Variants in SPAG16 observed in about 807,000 individuals in gnomAD.
The protein encoded by SPAG16 is sperm associated antigen 16, also known as sperm-associated antigen 16 protein.
Under a neutral mutation model 80.4 loss-of-function variants are expected in SPAG16, and 86 were observed. The observed-to-expected ratio is 1.07, with a 90% CI of 0.90 to 1.28. The LOEUF (loss-of-function observed/expected upper bound fraction) is 1.28, where lower values mean the gene tolerates loss of function less well. Among genes scored for constraint, SPAG16 ranks in the 50% most tolerant of loss-of-function variants. The pLI, the probability that SPAG16 is intolerant of heterozygous loss-of-function variation, is 0.00. For synonymous variants in SPAG16, 294 were observed against 265.9 expected (o/e 1.11, Z -1.03); for missense variants, 870 against 765.3 (o/e 1.14, Z -1.61).
intron 14 of SPAG16, among the ~76,000 whole-genome samples, chr2:214,110,763 A>G (rs1468229325): frequency 6.6e-6 from 1 of 152,232 alleles, no homozygotes; most frequent in African/African-American, 2.4e-5. Flanking sequence ...ACAGTGTAAA[A>G]GCATTCCTAT....
intron 15 of SPAG16, among the ~76,000 whole-genome samples, chr2:214,195,822 C>T (rs559135353): frequency 5.5e-4 from 83 of 152,000 alleles, no homozygotes; most frequent in African/African-American, 1.9e-3. Context: ...TAGATTCTGA[C>T]GGGGAATTTC....
intron 12 of SPAG16, among the ~76,000 whole-genome samples, chr2:214,010,265 G>C (rs2047220664): frequency 6.9e-6 from 1 of 144,378 alleles, no homozygotes. Context: ...GAGTTATAAA[G>C]AACAGATATT....
intron 15 of SPAG16, among the ~76,000 whole-genome samples, chr2:214,400,179 G>A (rs1244346803): frequency 6.6e-6 from 1 of 151,902 alleles, no homozygotes; most frequent in Non-Finnish European, 1.5e-5. Flanking sequence ...CTCCACACAG[G>A]CCAAAAGTTC....
chr2:213,607,511 C>T (rs535042841), intron 10 of SPAG16, among the ~76,000 whole-genome samples: 1 of 152,314 alleles, frequency 6.6e-6, no homozygotes, highest in African/African-American at 2.4e-5. Flanking sequence ...AAAATTTTCT[C>T]ATGCACTGTT....
chr2:213,855,730 C>T (rs1018049756), intron 10 of SPAG16, among the ~76,000 whole-genome samples: 1 of 152,030 alleles, frequency 6.6e-6, no homozygotes, highest in Admixed American at 6.6e-5. Context: ...GGGGGAAGCC[C>T]CATATGAAAC....
Position 213,996,602 on chromosome 2 carries a change from C to G in SPAG16, c.1401-17349C>G, listed in dbSNP as rs373300243. 1.0e-3 allele frequency among the ~76,000 whole-genome samples: 149 copies of G among 145,768 alleles called. No homozygotes were observed. In the Middle Eastern group the frequency reaches 0.018, roughly 17 times the overall value. On this transcript the variant is annotated intron_variant, in intron 12 of 15. Transcript: ENST00000331683. ...TTTTTTTTTTGAGATGGAGTCTCTC[C>G]CTGTCACTCAGGCTGGAGTGCAATG...
chr2:213,797,941 G>A (rs2071148486), intron 10 of SPAG16, among the ~76,000 whole-genome samples: 1 of 152,192 alleles, frequency 6.6e-6, no homozygotes, highest in South Asian at 2.1e-4. Flanking sequence ...TTTCAGCAAT[G>A]TATGAGTGTT....
At chr2:214,200,170 T>C (rs1334281912) in intron 15 of SPAG16, among the ~76,000 whole-genome samples, 1 of 152,154 alleles carries the variant, frequency 6.6e-6, no homozygotes, top group African/African-American at 2.4e-5. Context: ...GTTCCAGTTC[T>C]TGGGGGAAAT....
chr2:213,432,694 C>T (rs2070381301), intron 9 of SPAG16, among the ~76,000 whole-genome samples: 1 of 152,108 alleles, frequency 6.6e-6, no homozygotes, highest in African/African-American at 2.4e-5. Context: ...TGAAACCCAT[C>T]CTCCAGAAAC....
At chr2:214,132,143 G>A (rs34126775) in intron 14 of SPAG16, among the ~76,000 whole-genome samples, 15,873 of 152,118 alleles carry the variant, frequency 0.1, 1,128 homozygotes, top group East Asian at 0.29. Context: ...TGGGTATATC[G>A]GGTATAATTC....
Position 213,668,057 on chromosome 2 carries a change from C to A in SPAG16, c.1070+177967C>A, listed in dbSNP as rs926793802. On this transcript the variant is annotated intron_variant, in intron 10 of 15. Transcript: ENST00000331683. ...CTGAGTTCGAGCAATTCTCCTGCCTCAGCCTCTTGAATAGCTGGGATTACA... is the reference window on the plus strand; with the variant it reads ...CTGAGTTCGAGCAATTCTCCTGCCTAAGCCTCTTGAATAGCTGGGATTACA... 2.6e-5 allele frequency among the ~76,000 whole-genome samples: 4 copies of A among 151,982 alleles called. 1 individual carries two copies.
At chr2:213,632,734 G>T (rs1352949014) in intron 10 of SPAG16, among the ~76,000 whole-genome samples, 2 of 152,048 alleles carry the variant, frequency 1.3e-5, no homozygotes, top group Non-Finnish European at 2.9e-5. Context: ...TGATCATATG[G>T]TTTTTATCCT....
intron 15 of SPAG16, among the ~76,000 whole-genome samples, chr2:214,234,029 C>T (rs1688894772): frequency 6.6e-6 from 1 of 151,908 alleles, no homozygotes; most frequent in African/African-American, 2.4e-5. Flanking sequence ...GATGCTCTCC[C>T]TCCTCCCACC....
intron 3 of SPAG16, among the ~76,000 whole-genome samples, chr2:213,300,920 A>C (rs2062715822): frequency 6.6e-6 from 1 of 152,100 alleles, no homozygotes; most frequent in African/African-American, 2.4e-5. Context: ...TTAATATAAA[A>C]AAGTTCTCTT....
intron 12 of SPAG16, among the ~76,000 whole-genome samples, chr2:213,994,111 T>A (rs569512111): frequency 6.6e-6 from 1 of 152,306 alleles, no homozygotes; most frequent in African/African-American, 2.4e-5. Flanking sequence ...AGGAAGTATG[T>A]GTGTGATTTT....
intron 13 of SPAG16, among the ~76,000 whole-genome samples, chr2:214,045,911 A>G (rs2049294874): frequency 6.6e-6 from 1 of 152,072 alleles, no homozygotes; most frequent in African/African-American, 2.4e-5. Flanking sequence ...AGATCAATGG[A>G]ACAAAAAGAC....
intron 10 of SPAG16, among the ~76,000 whole-genome samples, chr2:213,833,457 TA>T (rs1270192585): frequency 0.072 from 99 of 1,370 alleles, 20 homozygotes; most frequent in African/African-American, 0.16. Flanking sequence ...ATATATATTA[TA>T]TATATATTAT....
intron 13 of SPAG16, among the ~76,000 whole-genome samples, chr2:214,033,390 A>G (rs2048523675): frequency 6.6e-6 from 1 of 152,324 alleles, no homozygotes; most frequent in South Asian, 2.1e-4. Context: ...GATGCAGAGA[A>G]GTGGCATGAT....
At chr2:213,850,749 A>G (rs934862505) in intron 10 of SPAG16, among the ~76,000 whole-genome samples, 11 of 151,932 alleles carry the variant, frequency 7.2e-5, no homozygotes, top group Admixed American at 6.6e-4. Flanking sequence ...AGGGCAAGAG[A>G]ATGTGTGTCG....
Sources: allele counts gnomAD v4.1 joint callset (sites outside exome capture counted in the v4.1 genomes callset), GRCh38; gene constraint gnomAD v4.1.1; transcripts MANE v1.5; gene names NCBI Gene and HGNC (gene_info 2026-07-23, HGNC 2026-07-21).